Variants in IGFL2 observed in about 807,000 individuals in gnomAD.
The protein encoded by IGFL2 is insulin growth factor-like family member 2.
Under a neutral mutation model 13.9 loss-of-function variants are expected in IGFL2, and 7 were observed. That is an observed-to-expected ratio of 0.51 (90% CI 0.29 to 0.95). The LOEUF is 0.95. IGFL2 is among the 40% of genes least tolerant of loss of function. IGFL2 has a pLI of 0.08. For missense variants in IGFL2, 138 were observed against 147.8 expected (o/e 0.93, Z 0.34); for synonymous variants, 55 against 55.8 (o/e 0.99, Z 0.07).
the IGFL2 span, among the ~76,000 whole-genome samples, chr19:46,100,906 G>C: frequency 3.3e-5 from 5 of 152,078 alleles, no homozygotes; most frequent in African/African-American, 1.2e-4. Context: ...AGTTTTTGTG[G>C]TGACTTCTTT....
At chr19:46,133,471 CAGA>C in the IGFL2 span, among the ~76,000 whole-genome samples, 1 of 152,138 alleles carries the variant, frequency 6.6e-6, no homozygotes, top group Non-Finnish European at 1.5e-5. Context: ...GAGGCAAAGG[CAGA>C]GGAGAACAAA....
At chr19:46,100,942 AGTTT>A in the IGFL2 span, among the ~76,000 whole-genome samples, 1 of 151,442 alleles carries the variant, frequency 6.6e-6, no homozygotes, top group Non-Finnish European at 1.5e-5. Flanking sequence ...GCTTTCTGTT[AGTTT>A]GTTTTTCTTT....
At chr19:46,079,978 A>G in the IGFL2 span, among the ~76,000 whole-genome samples, 1 of 152,164 alleles carries the variant, frequency 6.6e-6, no homozygotes, top group African/African-American at 2.4e-5. Context: ...AAATGGAGGA[A>G]GATTCTTAAC....
At position 46,148,317 on chromosome 19, in the gene IGFL2, A is replaced by G. The variant is rs767261197; in HGVS notation, c.19+20A>G. 3.9e-6 allele frequency: 6 copies of G among 1,548,710 alleles called. No homozygotes were observed. In the Admixed American group the frequency reaches 5.9e-5, roughly 15 times the overall value. On this transcript the variant is annotated intron_variant, in intron 1 of 3. Coordinates refer to ENST00000377693, the MANE Select transcript of IGFL2 (RefSeq NM_001135113.2). ...TCTTCGGTAAGGTAACCCTTGCCCC[A>G]GGTTGAGCTAATGCCTACTGTTATC...
chr19:46,146,631 C>T (rs897456995), upstream of IGFL2, among the ~76,000 whole-genome samples: 3 of 152,104 alleles, frequency 2.0e-5, no homozygotes, highest in African/African-American at 4.8e-5. Context: ...ATACTTTAAT[C>T]GTACACATCC....
At chr19:46,213,221 C>T in the IGFL2 span, 2 of 152,268 alleles carry the variant, frequency 1.3e-5, no homozygotes, top group Admixed American at 6.6e-5. Flanking sequence ...AAAGAGGGGG[C>T]ATGTAGGACA....
chr19:46,208,293 A>G, the IGFL2 span: 1 of 152,296 alleles, frequency 6.6e-6, no homozygotes, highest in African/African-American at 2.4e-5. Flanking sequence ...AGCACTGCCC[A>G]GGGCAGATAG....
chr19:46,132,725 G>C, the IGFL2 span, among the ~76,000 whole-genome samples: 1 of 151,174 alleles, frequency 6.6e-6, no homozygotes, highest in East Asian at 1.9e-4. Flanking sequence ...GAAAGGGAGG[G>C]AGAGGGAGAG....
the IGFL2 span, among the ~76,000 whole-genome samples, chr19:46,177,428 C>G: frequency 6.6e-6 from 1 of 151,854 alleles, no homozygotes; most frequent in Non-Finnish European, 1.5e-5. Flanking sequence ...AATCCTTTAT[C>G]AAATGTGTAC....
At chr19:46,128,638 G>T in the IGFL2 span, among the ~76,000 whole-genome samples, 3 of 152,302 alleles carry the variant, frequency 2.0e-5, no homozygotes, top group Non-Finnish European at 4.4e-5. Context: ...TTTCTGCAAT[G>T]AATCACATTT....
chr19:46,139,038 T>C (rs1395038959), upstream of IGFL2, among the ~76,000 whole-genome samples: 3 of 152,024 alleles, frequency 2.0e-5, no homozygotes, highest in Non-Finnish European at 2.9e-5. Context: ...TGTGGGACCT[T>C]TTGCAGCTAG....
chr19:46,166,128 C>T (rs1974392695), downstream of IGFL2, among the ~76,000 whole-genome samples: 1 of 152,136 alleles, frequency 6.6e-6, no homozygotes, highest in Admixed American at 6.5e-5. Context: ...AGATGTGGCC[C>T]ACTGGCTAAC....
chr19:46,104,406 C>A, the IGFL2 span, among the ~76,000 whole-genome samples: 3 of 152,068 alleles, frequency 2.0e-5, no homozygotes, highest in African/African-American at 7.2e-5. Flanking sequence ...GAAGCTTCCA[C>A]TGAATAGAGC....
intron 3 of IGFL2, 32 bp from the exon 4 acceptor site, chr19:46,161,038 T>C (rs780627987): frequency 2.2e-5 from 35 of 1,578,684 alleles, no homozygotes; most frequent in Non-Finnish European, 2.8e-5. Context: ...TTGTCTGTTA[T>C]TCGTAATTTC....
At chr19:46,185,325 T>A in the IGFL2 span, among the ~76,000 whole-genome samples, 1 of 152,206 alleles carries the variant, frequency 6.6e-6, no homozygotes, top group East Asian at 1.9e-4. Context: ...TCTACTACCC[T>A]TCCTTAGGGT....
At chr19:46,197,655 T>C in the IGFL2 span, among the ~76,000 whole-genome samples, 1 of 152,008 alleles carries the variant, frequency 6.6e-6, no homozygotes, top group Admixed American at 6.6e-5. Context: ...CCTCAGCCTT[T>C]AGAGTAGCTG....
chr19:46,099,735 C>T, the IGFL2 span, among the ~76,000 whole-genome samples: 5 of 152,004 alleles, frequency 3.3e-5, no homozygotes, highest in African/African-American at 1.2e-4. Context: ...ACCATCTTAT[C>T]CAGGCTGGTC....
At chr19:46,179,560 GAA>G in the IGFL2 span, 1 of 152,434 alleles carries the variant, frequency 6.6e-6, no homozygotes, top group African/African-American at 2.4e-5. Context: ...AGCACAGCAG[GAA>G]AGAGGGTAGA....
the IGFL2 span, among the ~76,000 whole-genome samples, chr19:46,133,092 G>A: frequency 2.0e-5 from 3 of 152,110 alleles, no homozygotes; most frequent in Non-Finnish European, 2.9e-5. Flanking sequence ...CCAGCTTGGC[G>A]ACACTGAATC....
Sources: allele counts gnomAD v4.1 joint callset (sites outside exome capture counted in the v4.1 genomes callset), GRCh38; gene constraint gnomAD v4.1.1; transcripts MANE v1.5; gene names NCBI Gene and HGNC (gene_info 2026-07-23, HGNC 2026-07-21).